WIPF1: variants seen among roughly 807,000 people sequenced by gnomAD.
WIPF1 encodes WAS/WASL interacting protein family member 1, also known as WAS/WASL-interacting protein family member 1.
A neutral mutation model predicts 35.4 loss-of-function variants in WIPF1; 13 were observed. That is an observed-to-expected ratio of 0.37 (90% CI 0.24 to 0.58). The LOEUF (loss-of-function observed/expected upper bound fraction) is 0.58. Ranked by LOEUF, WIPF1 falls within the 20% of genes least tolerant of loss-of-function variation. The pLI is 0.74. For synonymous variants in WIPF1, 267 were observed against 266.3 expected, an observed-to-expected ratio of 1.00 and a Z score of -0.02; for missense variants, 591 against 667.0, an observed-to-expected ratio of 0.89 and a Z score of 1.25.
At chr2:174,610,217 G>A (rs777632220) in intron 1 of WIPF1, among the ~76,000 whole-genome samples, 3 of 152,152 alleles carry the variant, frequency 2.0e-5, no homozygotes, top group Non-Finnish European at 4.4e-5. Context: ...CTCCAAATAC[G>A]TATGCAGGGG....
At chr2:174,582,247 C>T (rs1207579695) in intron 2 of WIPF1, among the ~76,000 whole-genome samples, 2 of 152,206 alleles carry the variant, frequency 1.3e-5, no homozygotes, top group Non-Finnish European at 2.9e-5. Flanking sequence ...TTCCAGAATT[C>T]CTAGGAAAGA....
chr2:174,595,339 T>C (rs914379348), intron 1 of WIPF1, among the ~76,000 whole-genome samples: 1 of 137,976 alleles, frequency 7.2e-6, no homozygotes, highest in Non-Finnish European at 1.6e-5. Flanking sequence ...ACAGAAATCA[T>C]ACAATTTATA....
chr2:174,580,925 G>A (rs1337430233), intron 3 of WIPF1, among the ~76,000 whole-genome samples: 1 of 152,198 alleles, frequency 6.6e-6, no homozygotes, highest in Non-Finnish European at 1.5e-5. Flanking sequence ...ACAAGGCTTG[G>A]AGATGGTACA....
At chr2:174,595,727 G>A (rs1685801240) in intron 1 of WIPF1, among the ~76,000 whole-genome samples, 1 of 152,126 alleles carries the variant, frequency 6.6e-6, no homozygotes, top group Admixed American at 6.5e-5. Flanking sequence ...TGTATAAAGT[G>A]CATTTCAAAT....
In WIPF1 at chr2:174,581,392, T is replaced by C; in HGVS notation, c.99A>G (p.Arg33=). ...TGCTGATATCAGAAAGGAGAGCATT[T>C]CTCCCAGCCTGCTCTGTCTTATTCA... ...PTLNKTEQAG[R]NALLSDISKG... The change falls in exon 3 of 8, where the codon AGA becomes AGG. Residue 33 remains arginine (R), a synonymous_variant. Coordinates refer to ENST00000679041, the MANE Select transcript of WIPF1 (RefSeq NM_001375834.1). 2 of 1,614,098 alleles carry C rather than the reference T, an allele frequency of 1.2e-6. No homozygotes were observed. The highest frequency in any genetic ancestry group is 1.7e-6 in the Non-Finnish European group (2 of 1,179,994).
At chr2:174,635,529 G>GTTTTT (rs1197924942) in intron 1 of WIPF1, among the ~76,000 whole-genome samples, 38 of 115,602 alleles carry the variant, frequency 3.3e-4, no homozygotes, top group African/African-American at 4.7e-4. Context: ...CCTTCTGTTT[G>GTTTTT]TTTTTTTTTT....
chr2:174,665,812 T>C (rs991338991), intron 1 of WIPF1: 2 of 152,258 alleles, frequency 1.3e-5, no homozygotes, highest in Non-Finnish European at 2.9e-5. Context: ...ACAATGTGTC[T>C]TTCTACAATG....
rs200738252 is a variant in WIPF1, at chr2:174,619,872, G to A, written c.-38-34261C>T. On this transcript the variant is annotated intron_variant, in intron 1 of 8. Transcript: ENST00000272746. ...CAGGAGGACCACTTGAGCCCAGGACGTCGACGTTGCAAGAAGCCATGACTG... is the reference window on the plus strand; with the variant it reads ...CAGGAGGACCACTTGAGCCCAGGACATCGACGTTGCAAGAAGCCATGACTG... 3.3e-5 allele frequency among the ~76,000 whole-genome samples: 5 copies of A among 151,924 alleles called. No individual in the cohort carries two copies. In the East Asian group the frequency reaches 5.8e-4, roughly 18 times the overall value.
chr2:174,609,418 A>AT (rs1686275689), intron 1 of WIPF1, among the ~76,000 whole-genome samples: 1 of 152,196 alleles, frequency 6.6e-6, no homozygotes, highest in Non-Finnish European at 1.5e-5. Context: ...TTGGAAAATC[A>AT]TGAGCCCAAG....
chr2:174,596,327 C>T (rs1411155499), intron 1 of WIPF1, among the ~76,000 whole-genome samples: 1 of 152,190 alleles, frequency 6.6e-6, no homozygotes, highest in Non-Finnish European at 1.5e-5. Flanking sequence ...AGAGTTTTGA[C>T]ATGATGATAT....
intron 1 of WIPF1, among the ~76,000 whole-genome samples, chr2:174,595,106 AAAAATATATATAT>A (rs1559155545): frequency 2.3e-5 from 1 of 42,966 alleles, no homozygotes; most frequent in African/African-American, 7.8e-5. Context: ...AAAAAAAAAA[AAAAATATATATAT>A]ATATATATAT....
At chr2:174,608,103 T>A (rs1302672458) in intron 1 of WIPF1, among the ~76,000 whole-genome samples, 1 of 152,140 alleles carries the variant, frequency 6.6e-6, no homozygotes, top group African/African-American at 2.4e-5. Context: ...TGCCAACAGA[T>A]TTAACGACTC....
At chr2:174,681,279 G>T (rs1688239867) in intron 1 of WIPF1, among the ~76,000 whole-genome samples, 1 of 152,168 alleles carries the variant, frequency 6.6e-6, no homozygotes, top group South Asian at 2.1e-4. Context: ...AGGTGGCTGG[G>T]ATTTGCAGAC....
At chr2:174,576,243 A>AAAAAAAAAAAAAAAAAAAAC (rs1559149036) in intron 3 of WIPF1, among the ~76,000 whole-genome samples, 4 of 150,464 alleles carry the variant, frequency 2.7e-5, no homozygotes, top group African/African-American at 1.0e-4. Flanking sequence ...AAAAAAAAAA[A>AAAAAAAAAAAAAAAAAAAAC]AAAAAACACT....
rs560419024 is a variant in WIPF1, at chr2:174,625,305, G to A, written c.-38-39694C>T. ...ATGAATCCCCTCACTTCGAGGATTG[G>A]TTTAGCAACTTCCTCAGCTTTCTGA... On this transcript the variant is annotated intron_variant, in intron 1 of 8. Transcript: ENST00000272746. 1.3e-4 allele frequency among the ~76,000 whole-genome samples: 20 copies of A among 152,302 alleles called. No homozygotes were observed. The East Asian group carries it at 3.9e-3, about 29-fold the overall frequency.
chr2:174,629,233 A>G (rs967029420), intron 1 of WIPF1, among the ~76,000 whole-genome samples: 1 of 152,246 alleles, frequency 6.6e-6, no homozygotes, highest in Non-Finnish European at 1.5e-5. Flanking sequence ...TCTCTATCAA[A>G]AAAAAGTAAA....
At chr2:174,614,153 G>T (rs1484905795) in intron 1 of WIPF1, among the ~76,000 whole-genome samples, 1 of 152,148 alleles carries the variant, frequency 6.6e-6, no homozygotes, top group East Asian at 1.9e-4. Flanking sequence ...AAGAAACGGG[G>T]ATTAATAAGT....
chr2:174,609,452 A>T (rs1415673582), intron 1 of WIPF1, among the ~76,000 whole-genome samples: 2 of 152,178 alleles, frequency 1.3e-5, no homozygotes, highest in Admixed American at 6.5e-5. Context: ...GTGTTACTGA[A>T]GTCTTTAACT....
chr2:174,587,379 T>G (rs1053005641), intron 1 of WIPF1: 2 of 152,204 alleles, frequency 1.3e-5, no homozygotes, highest in Admixed American at 1.3e-4. Context: ...AAATATTCAT[T>G]TAGTTCAACC....
Sources: allele counts gnomAD v4.1 joint callset (sites outside exome capture counted in the v4.1 genomes callset), GRCh38; gene constraint gnomAD v4.1.1; transcripts MANE v1.5; gene names NCBI Gene and HGNC (gene_info 2026-07-23, HGNC 2026-07-21).